MSRB3: variants seen among roughly 807,000 people sequenced by gnomAD.
The protein encoded by MSRB3 is methionine sulfoxide reductase B3.
In MSRB3, 13 loss-of-function variants were observed where a neutral mutation model predicts 21.0. The ratio of observed to expected loss-of-function variants is 0.62; its 90% CI spans 0.40 to 0.98. The LOEUF is 0.98. MSRB3 is among the 50% of genes least tolerant of loss of function. The pLI, the probability that MSRB3 is intolerant of heterozygous loss-of-function variation, is 0.00. For synonymous variants in MSRB3, 87 were observed against 88.6 expected, an observed-to-expected ratio of 0.98 and a Z score of 0.10; for missense variants, 199 against 230.3, an observed-to-expected ratio of 0.86 and a Z score of 0.88.
Position 65,295,513 on chromosome 12 carries a change from A to G in MSRB3, c.-51-13016A>G, listed in dbSNP as rs371073417. On this transcript the variant is annotated intron_variant, in intron 1 of 6. Coordinates refer to ENST00000308259, the MANE Select transcript of MSRB3 (RefSeq NM_001031679.3). ...AACTATCCTTAAGGATATTTGATTC[A>G]TACATCATTTGGCTAAAGTACATTT... 3.7e-4 allele frequency among the ~76,000 whole-genome samples: 56 copies of G among 151,002 alleles called. No homozygotes were observed. In the East Asian group the frequency reaches 0.011, roughly 29 times the overall value.
intron 5 of MSRB3, among the ~76,000 whole-genome samples, chr12:65,404,842 T>C (rs1880323015): frequency 6.6e-6 from 1 of 152,202 alleles, no homozygotes; most frequent in Non-Finnish European, 1.5e-5. Context: ...TGTTGCACAA[T>C]AGAGCTCTAG....
chr12:65,455,678 G>A (rs992445893), intron 6 of MSRB3, among the ~76,000 whole-genome samples: 8 of 152,166 alleles, frequency 5.3e-5, no homozygotes, highest in Admixed American at 2.6e-4. Flanking sequence ...GTTGAAAAGA[G>A]TCATTAAAAT....
chr12:65,296,484 G>A (rs958497325), intron 1 of MSRB3, among the ~76,000 whole-genome samples: 4 of 152,160 alleles, frequency 2.6e-5, no homozygotes, highest in Admixed American at 2.0e-4. Context: ...TACATTATAC[G>A]AGTGAGGAAA....
At chr12:65,294,230 TC>T (rs1872822094) in intron 1 of MSRB3, among the ~76,000 whole-genome samples, 1 of 152,200 alleles carries the variant, frequency 6.6e-6, no homozygotes, top group South Asian at 2.1e-4. Context: ...TCCTGTTGGA[TC>T]CAGATAGACC....
chr12:65,321,145 A>G (rs912013782), intron 2 of MSRB3, among the ~76,000 whole-genome samples: 1 of 152,052 alleles, frequency 6.6e-6, no homozygotes, highest in Non-Finnish European at 1.5e-5. Context: ...ACCTTCTAAG[A>G]GACTATATAA....
intron 5 of MSRB3, among the ~76,000 whole-genome samples, chr12:65,424,800 G>A (rs914856773): frequency 2.7e-5 from 4 of 150,636 alleles, no homozygotes; most frequent in African/African-American, 4.9e-5. Context: ...TGGATAGAAC[G>A]TTTTGTACAT....
intron 2 of MSRB3, among the ~76,000 whole-genome samples, chr12:65,310,217 A>G (rs1020177643): frequency 1.3e-5 from 2 of 152,158 alleles, no homozygotes; most frequent in Admixed American, 1.3e-4. Context: ...TCTTCTCAGT[A>G]TGCCCCCTAG....
chr12:65,428,773 C>G (rs1881733643), intron 5 of MSRB3, among the ~76,000 whole-genome samples: 1 of 152,168 alleles, frequency 6.6e-6, no homozygotes, highest in Non-Finnish European at 1.5e-5. Context: ...CTTCCCACCC[C>G]CATCTTTAGC....
At chr12:65,422,811 G>T (rs1050899431) in intron 5 of MSRB3, among the ~76,000 whole-genome samples, 1 of 151,678 alleles carries the variant, frequency 6.6e-6, no homozygotes, top group African/African-American at 2.4e-5. Context: ...ATTTGTTATT[G>T]TAAATGGAAT....
intron 5 of MSRB3, among the ~76,000 whole-genome samples, chr12:65,378,567 G>C (rs1878761242): frequency 6.6e-6 from 1 of 152,176 alleles, no homozygotes; most frequent in African/African-American, 2.4e-5. Flanking sequence ...AGTACATACA[G>C]GTTTGTATAT....
At chr12:65,328,220 T>C (rs1037947544) in intron 3 of MSRB3, among the ~76,000 whole-genome samples, 4 of 152,182 alleles carry the variant, frequency 2.6e-5, no homozygotes, top group Non-Finnish European at 4.4e-5. Context: ...TTATGTAATG[T>C]TCTTTCTGTG....
intron 5 of MSRB3, among the ~76,000 whole-genome samples, chr12:65,399,663 C>T (rs1880010940): frequency 6.6e-6 from 1 of 152,170 alleles, no homozygotes; most frequent in African/African-American, 2.4e-5. Context: ...TGAGAGAGGG[C>T]ATCCTTGTCT....
chr12:65,420,074 C>T, intron 5 of MSRB3: 1 of 492,570 alleles, frequency 2.0e-6, no homozygotes, highest in South Asian at 1.6e-5. Context: ...TGCTGATAAC[C>T]TTGAGTTTTG....
chr12:65,420,380 T>C (rs1881226060), intron 5 of MSRB3, among the ~76,000 whole-genome samples: 2 of 150,642 alleles, frequency 1.3e-5, no homozygotes, highest in Admixed American at 6.6e-5. Context: ...TGGGAGTCAC[T>C]TGTGGTTTCA....
chr12:65,327,731 A>C lies in MSRB3; in HGVS notation c.186-795A>C, dbSNP rs564574439. On this transcript the variant is annotated intron_variant, in intron 3 of 6. Coordinates refer to ENST00000308259, the MANE Select transcript of MSRB3 (RefSeq NM_001031679.3). ...TACTACACATGGGATCCCTGTTAAC[A>C]GGCAACACTCTCTTCCTGTCACAGT... Among the ~76,000 whole-genome samples, 17 of 152,338 alleles carry C rather than the reference A, an allele frequency of 1.1e-4. No individual in the cohort carries two copies. The East Asian group carries it at 3.1e-3, about 28-fold the overall frequency.
intron 5 of MSRB3, among the ~76,000 whole-genome samples, chr12:65,434,984 G>A (rs1400111942): frequency 4.6e-5 from 7 of 151,874 alleles, no homozygotes; most frequent in Non-Finnish European, 8.8e-5. Context: ...ACAGAAAATG[G>A]TGAGGCTCCA....
chr12:65,295,502 A>G (rs1039832739), intron 1 of MSRB3, among the ~76,000 whole-genome samples: 1 of 150,296 alleles, frequency 6.7e-6, no homozygotes, highest in East Asian at 1.9e-4. Flanking sequence ...ATCCTTAAGG[A>G]TATTTGATTC....
At position 65,305,752 on chromosome 12, in the gene MSRB3, G is replaced by T. The variant is rs181007903; in HGVS notation, c.-51-2777G>T. 1.9e-3 allele frequency among the ~76,000 whole-genome samples: 280 copies of T among 150,234 alleles called. 7 individuals are homozygous for T. The highest frequency in any genetic ancestry group is 0.017 in the Admixed American group (256 of 15,254). On this transcript the variant is annotated intron_variant, in intron 1 of 6. Coordinates refer to ENST00000308259, the MANE Select transcript of MSRB3 (RefSeq NM_001031679.3). The stretch of plus-strand genomic sequence containing the variant: ...GTGCACAGTCAACTGTTATCTTTAG[G>T]ATTTCTCTGTTGTTTGTTTTCATTA...
chr12:65,370,645 T>A (rs1283334960), intron 5 of MSRB3, among the ~76,000 whole-genome samples: 1 of 152,208 alleles, frequency 6.6e-6, no homozygotes, highest in Non-Finnish European at 1.5e-5. Context: ...ATTCCTGTAC[T>A]GAAGGTAAGT....
Sources: gnomAD v4.1 joint callset for allele counts (sites outside exome capture counted in the v4.1 genomes callset) on GRCh38, gnomAD v4.1.1 for gene constraint, MANE v1.5 for transcripts, NCBI Gene and HGNC (gene_info 2026-07-23, HGNC 2026-07-21) for gene names.